FSHR: variants seen among roughly 807,000 people sequenced by gnomAD.
FSHR encodes follicle-stimulating hormone receptor.
A neutral mutation model predicts 52.1 loss-of-function variants in FSHR; 46 were observed. That is an observed-to-expected ratio of 0.88 (90% CI 0.70 to 1.13). The LOEUF is 1.13. Ranked by LOEUF, FSHR falls within the 50% of genes most tolerant of loss-of-function variation. FSHR has a pLI of 0.00. For missense variants in FSHR, 964 were observed against 834.6 expected (o/e 1.16, Z -1.91); for synonymous variants, 399 against 309.6 (o/e 1.29, Z -3.03).
intron 7 of FSHR, 53 bp from the exon 8 acceptor site, chr2:48,983,039 T>C: frequency 6.2e-7 from 1 of 1,608,354 alleles, no homozygotes; most frequent in South Asian, 1.1e-5. Flanking sequence ...ACATAAATAT[T>C]GCTGTTGTAA....
intron 4 of FSHR, chr2:49,015,010 A>G: frequency 2.4e-6 from 1 of 410,460 alleles, no homozygotes; most frequent in South Asian, 1.9e-5. Flanking sequence ...ACTGGGTAAC[A>G]GGCACTAATA....
intron 4 of FSHR, among the ~76,000 whole-genome samples, chr2:48,994,340 T>C (rs1675923493): frequency 6.6e-6 from 1 of 152,156 alleles, no homozygotes; most frequent in African/African-American, 2.4e-5. Flanking sequence ...ATCAATTGCA[T>C]GAGCTTCCAT....
intron 2 of FSHR, among the ~76,000 whole-genome samples, chr2:49,044,291 C>A (rs1668580729): frequency 6.6e-6 from 1 of 152,138 alleles, no homozygotes; most frequent in South Asian, 2.1e-4. Flanking sequence ...TGGTGAGGAG[C>A]ACCTATTTTG....
intron 1 of FSHR, among the ~76,000 whole-genome samples, chr2:49,069,637 C>T (rs1379843015): frequency 6.6e-6 from 1 of 152,014 alleles, no homozygotes; most frequent in South Asian, 2.1e-4. Context: ...GATAGGTAGT[C>T]AATAAATATT....
At chr2:49,033,684 G>A (rs1489995770) in intron 2 of FSHR, among the ~76,000 whole-genome samples, 30 of 151,880 alleles carry the variant, frequency 2.0e-4, no homozygotes, top group Admixed American at 1.8e-3. Flanking sequence ...CCCTTTGAGA[G>A]CCCTCCTCCC....
At position 48,988,021 on chromosome 2, in the gene FSHR, T is replaced by A. The variant is rs1675597678; in HGVS notation, c.524+956A>T. Reference sequence around the variant, plus strand: ...CATTCAATTTCTATGCTAATCTGTTTTCAAACTTTTTCCATTGTTATCTGT... The same window carrying A: ...CATTCAATTTCTATGCTAATCTGTTATCAAACTTTTTCCATTGTTATCTGT... On this transcript the variant is annotated intron_variant, in intron 6 of 9. Coordinates refer to ENST00000406846, the MANE Select transcript of FSHR (RefSeq NM_000145.4). Among the ~76,000 whole-genome samples, 2 of 152,218 alleles carry A rather than the reference T, an allele frequency of 1.3e-5. 1 individual carries two copies. Among genetic ancestry groups the A allele is most frequent in the South Asian group, 4.1e-4 (2 of 4,830 alleles).
At chr2:49,034,563 T>A (rs1194439418) in intron 2 of FSHR, among the ~76,000 whole-genome samples, 1 of 152,212 alleles carries the variant, frequency 6.6e-6, no homozygotes, top group Non-Finnish European at 1.5e-5. Flanking sequence ...AACTGTCTCT[T>A]ATCTACTTCA....
chr2:49,018,825 A>G (rs916587788), intron 3 of FSHR, among the ~76,000 whole-genome samples: 4 of 123,080 alleles, frequency 3.2e-5, no homozygotes, highest in Non-Finnish European at 5.8e-5. Flanking sequence ...ATTCACACAC[A>G]CGCGCATGCA....
At chr2:49,029,591 T>G (rs536078486) in intron 2 of FSHR, among the ~76,000 whole-genome samples, 1 of 152,340 alleles carries the variant, frequency 6.6e-6, no homozygotes, top group Admixed American at 6.5e-5. Flanking sequence ...CTCAGTACAT[T>G]TTATACTCAA....
chr2:49,082,148 G>A (rs1670193359), intron 1 of FSHR, among the ~76,000 whole-genome samples: 1 of 152,306 alleles, frequency 6.6e-6, no homozygotes, highest in Admixed American at 6.5e-5. Context: ...GCACGCAGCT[G>A]GAGATCTGAG....
intron 2 of FSHR, among the ~76,000 whole-genome samples, chr2:49,049,188 G>GA (rs35052191): frequency 4.0e-5 from 6 of 148,428 alleles, no homozygotes; most frequent in South Asian, 2.1e-4. Flanking sequence ...CAGCAAGGAG[G>GA]AAAAAAAAAA....
intron 1 of FSHR, among the ~76,000 whole-genome samples, chr2:49,088,586 A>C (rs549604738): frequency 6.6e-6 from 1 of 152,220 alleles, no homozygotes; most frequent in African/African-American, 2.4e-5. Flanking sequence ...TGACAAACGC[A>C]TTGTGCCTCT....
At chr2:49,031,688 C>T (rs1051896743) in intron 2 of FSHR, among the ~76,000 whole-genome samples, 6 of 152,032 alleles carry the variant, frequency 3.9e-5, no homozygotes, top group Non-Finnish European at 8.8e-5. Flanking sequence ...GGTTATCAGC[C>T]AGGCAGCAGA....
chr2:49,004,703 G>A (rs1271111505), intron 4 of FSHR, among the ~76,000 whole-genome samples: 1 of 152,104 alleles, frequency 6.6e-6, no homozygotes, highest in Non-Finnish European at 1.5e-5. Flanking sequence ...TGTCTGATGA[G>A]GATGATATAG....
At chr2:49,108,043 G>A (rs2103744238) in intron 1 of FSHR, among the ~76,000 whole-genome samples, 3 of 152,234 alleles carry the variant, frequency 2.0e-5, no homozygotes, top group Admixed American at 2.0e-4. Context: ...TGGACTCAGT[G>A]GGTTCAGTAG....
chr2:48,977,146 T>A (rs925766717), intron 8 of FSHR, among the ~76,000 whole-genome samples: 10 of 152,088 alleles, frequency 6.6e-5, no homozygotes, highest in African/African-American at 2.4e-4. Flanking sequence ...CTCTCTCGTT[T>A]CTGTCTTTGA....
chr2:49,127,892 CTTCTTCTTTTTTT>C (rs1672117746), intron 1 of FSHR, among the ~76,000 whole-genome samples: 1 of 24,142 alleles, frequency 4.1e-5, no homozygotes, highest in African/African-American at 2.7e-4. Flanking sequence ...TCTTCTTCTT[CTTCTTCTTTTTTT>C]TTTTTGAGAC....
chr2:48,989,095 C>G (rs1230958475), intron 5 of FSHR, 41 bp from the exon 6 acceptor site: 2 of 1,514,074 alleles, frequency 1.3e-6, no homozygotes, highest in South Asian at 1.1e-5. Context: ...TACATCAGCT[C>G]TACTCATGTA....
chr2:48,973,587 T>G (rs1287319452), intron 8 of FSHR, among the ~76,000 whole-genome samples: 1 of 152,250 alleles, frequency 6.6e-6, no homozygotes, highest in Non-Finnish European at 1.5e-5. Context: ...GATAGCATTA[T>G]AGTCTGTATA....
Sources: allele counts gnomAD v4.1 joint callset (sites outside exome capture counted in the v4.1 genomes callset), GRCh38; gene constraint gnomAD v4.1.1; transcripts MANE v1.5; gene names NCBI Gene and HGNC (gene_info 2026-07-23, HGNC 2026-07-21).